ARHGAP35: variants seen among roughly 807,000 people sequenced by gnomAD.
ARHGAP35 encodes the protein Rho GTPase activating protein 35, also known as rho GTPase-activating protein 35.
In ARHGAP35, 15 loss-of-function variants were observed where a neutral mutation model predicts 111.1. The ratio of observed to expected loss-of-function variants is 0.13; its 90% CI spans 0.09 to 0.21. The LOEUF (loss-of-function observed/expected upper bound fraction) is 0.21, where lower values mean the gene tolerates loss of function less well. Among genes scored for constraint, ARHGAP35 ranks in the 10% least tolerant of loss-of-function variants. The pLI is 1.00. For missense variants in ARHGAP35, 1,262 were observed against 1,873.0 expected, an observed-to-expected ratio of 0.67 and a Z score of 6.02; for synonymous variants, 643 against 710.3, an observed-to-expected ratio of 0.91 and a Z score of 1.51.
chr19:46,881,030 C>T (rs543064273), intron 1 of ARHGAP35, among the ~76,000 whole-genome samples: 1 of 151,358 alleles, frequency 6.6e-6, no homozygotes, highest in Non-Finnish European at 1.5e-5. Flanking sequence ...CCACAATCTC[C>T]GCCTCCTGGG....
intron 1 of ARHGAP35, among the ~76,000 whole-genome samples, chr19:46,902,564 A>G (rs1359019938): frequency 1.3e-5 from 2 of 152,160 alleles, no homozygotes; most frequent in Non-Finnish European, 2.9e-5. Flanking sequence ...GAATGTGGAC[A>G]TACAGCTTTT....
At chr19:46,907,124 TTAA>T (rs1319133217) in intron 1 of ARHGAP35, among the ~76,000 whole-genome samples, 3 of 152,170 alleles carry the variant, frequency 2.0e-5, no homozygotes, top group Non-Finnish European at 2.9e-5. Context: ...ATAAAAAATA[TTAA>T]TAATAAGAAA....
At chr19:46,876,313 A>G (rs1283189870) in intron 1 of ARHGAP35, among the ~76,000 whole-genome samples, 1 of 151,464 alleles carries the variant, frequency 6.6e-6, no homozygotes, top group Non-Finnish European at 1.5e-5. Flanking sequence ...ATCTTGCTTC[A>G]GCCTCTGAGT....
chr19:46,970,149 G>A (rs2056537449), intron 3 of ARHGAP35, among the ~76,000 whole-genome samples: 1 of 152,170 alleles, frequency 6.6e-6, no homozygotes, highest in South Asian at 2.1e-4. Context: ...GTGAATTCTT[G>A]GGGCTTGATC....
rs111364346 is a variant in ARHGAP35, at chr19:46,952,752, C to T, written c.3826+15344C>T. Among the ~76,000 whole-genome samples the T allele has an allele frequency of 2.6e-5, 4 of 152,322 alleles. 1 individual carries two copies. Among genetic ancestry groups the T allele is most frequent in the African/African-American group, 7.2e-5 (3 of 41,574 alleles). The stretch of plus-strand genomic sequence containing the variant: ...GCAGTGGTGCGATCTCAGCTCGCAG[C>T]GTGCAGCCTCGACCTCCTGGGTCTC... On this transcript the variant is annotated intron_variant, in intron 3 of 6. Coordinates refer to ENST00000672722, the MANE Select transcript of ARHGAP35 (RefSeq NM_004491.5).
rs778198586 is a variant in ARHGAP35, at chr19:46,921,423, C to T, written c.2748C>T (p.Asp916=). Residue 916 remains aspartate, a synonymous_variant, in exon 2 of 7, where the codon GAC becomes GAT. Coordinates refer to ENST00000672722, the MANE Select transcript of ARHGAP35 (RefSeq NM_004491.5). This position sits in a 1 kb window ranked among gnomAD's most constrained non-coding sequence, Gnocchi z 4.3. ...GGGAGGAGATTGCTCAAGAAATTGA[C>T]GGAAGGTTCACAAGCATCCCCTGTA... ...TEGEEIAQEI[D]GRFTSIPCSQ... is the part of the protein sequence containing the mutation. 21 of 1,613,862 alleles carry T rather than the reference C, an allele frequency of 1.3e-5. No individual in the cohort carries two copies. Among genetic ancestry groups the T allele is most frequent in the East Asian group, 4.5e-5 (2 of 44,880 alleles).
chr19:46,989,415 A>T lies in ARHGAP35; in HGVS notation c.3905-129A>T, dbSNP rs115100834. 3.0e-4 allele frequency: 372 copies of T among 1,259,958 alleles called. 2 individuals carry two copies. The African/African-American group carries it at 3.9e-3, about 13-fold the overall frequency. The allele number at this position is 1,259,958 out of a possible 1,614,324, so 78.0% of individuals were successfully genotyped here. ...TAGCGCTCACAAGTCCCACCCCTCC[A>T]ATCCTTGCCAGTCCTGAGGCCGTCT... is the stretch of plus-strand genomic sequence containing the variant. On this transcript the variant is annotated intron_variant, in intron 4 of 6. Transcript: ENST00000672722. This position sits in a 1 kb window ranked among gnomAD's most constrained non-coding sequence, Gnocchi z 5.3.
Position 47,000,819 on chromosome 19 carries a change from C to T in ARHGAP35, c.*131C>T, listed in dbSNP as rs961116453. ...GCTCTCCCCATTACCTTCTCAAGACCTCAGTGGGAGCACCAGCCAATGGTA... is the reference window on the plus strand; with the variant it reads ...GCTCTCCCCATTACCTTCTCAAGACTTCAGTGGGAGCACCAGCCAATGGTA... On this transcript the variant is annotated 3_prime_UTR_variant, in exon 7 of 7. Transcript: ENST00000672722. The surrounding 1 kb of genome is among the most constrained non-coding windows in gnomAD (Gnocchi z 6.9). The T allele has an allele frequency of 7.1e-6, 11 of 1,542,246 alleles. No individual in the cohort carries two copies. Among genetic ancestry groups the T allele is most frequent in the Non-Finnish European group, 9.6e-6 (11 of 1,146,728 alleles).
intron 5 of ARHGAP35, among the ~76,000 whole-genome samples, chr19:46,997,168 AAAAG>A (rs1160523579): frequency 2.6e-5 from 4 of 152,174 alleles, no homozygotes; most frequent in Non-Finnish European, 4.4e-5. Context: ...AAAAAAGAAA[AAAAG>A]AAAGTGCCCT....
At chr19:46,980,801 G>A (rs2056616700) in intron 3 of ARHGAP35, among the ~76,000 whole-genome samples, 1 of 152,222 alleles carries the variant, frequency 6.6e-6, no homozygotes, top group African/African-American at 2.4e-5. Context: ...CAGAACTCAG[G>A]TGCTCATCCA....
Position 46,987,974 on chromosome 19 carries a change from C to T in ARHGAP35, c.3827-15C>T, listed in dbSNP as rs1332512604. ...TCCAGTTCCTGCTCCTAAGACCCTG[C>T]CTGTTTCTCCTCAGGACTGAGCACG... On this transcript the variant is annotated splice_polypyrimidine_tract_variant and intron_variant, in intron 3 of 6. Transcript: ENST00000672722. 3.1e-6 allele frequency: 5 copies of T among 1,613,290 alleles called. No homozygotes were observed. The highest frequency in any genetic ancestry group is 4.2e-6 in the Non-Finnish European group (5 of 1,179,546).
chr19:46,975,309 AG>A (rs2056573848), intron 3 of ARHGAP35, among the ~76,000 whole-genome samples: 1 of 152,190 alleles, frequency 6.6e-6, no homozygotes, highest in South Asian at 2.1e-4. Flanking sequence ...CCCCTCCTGC[AG>A]GGGTCCTAAA....
intron 1 of ARHGAP35, among the ~76,000 whole-genome samples, chr19:46,907,534 A>G (rs1281559553): frequency 2.0e-5 from 3 of 150,818 alleles, no homozygotes; most frequent in Non-Finnish European, 4.4e-5. Flanking sequence ...TCTGTCCAGC[A>G]GTGGCGCGAA....
At chr19:46,977,537 T>G (rs1387863119) in intron 3 of ARHGAP35, among the ~76,000 whole-genome samples, 1 of 152,180 alleles carries the variant, frequency 6.6e-6, no homozygotes. Context: ...ACTGAATGCC[T>G]TCCCTGGTAC....
chr19:46,925,635 G>A (rs2056233626), intron 2 of ARHGAP35, among the ~76,000 whole-genome samples: 1 of 152,172 alleles, frequency 6.6e-6, no homozygotes, highest in Admixed American at 6.5e-5. Context: ...GCCTGCCCAG[G>A]GAAGGCTATG....
intron 3 of ARHGAP35, among the ~76,000 whole-genome samples, chr19:46,976,355 C>T (rs1164023790): frequency 6.6e-6 from 1 of 152,000 alleles, no homozygotes; most frequent in Non-Finnish European, 1.5e-5. Flanking sequence ...CTTGCCTGTT[C>T]CAGATAAGCA....
chr19:46,986,809 C>T lies in ARHGAP35; in HGVS notation c.3827-1180C>T, dbSNP rs2056652720. Among the ~76,000 whole-genome samples the T allele has an allele frequency of 2.0e-5, 3 of 152,266 alleles. No homozygotes were observed. The highest frequency in any genetic ancestry group is 3.9e-4 in the East Asian group (2 of 5,194). ...TTTTACTAGTTGTCAAAAAAACATA[C>T]TTGTGAGTTAATTTTATTTATTTAT... On this transcript the variant is annotated intron_variant, in intron 3 of 6. Transcript: ENST00000672722. The surrounding 1 kb of genome is among the most constrained non-coding windows in gnomAD (Gnocchi z 4.3).
In ARHGAP35 at chr19:47,002,518, T is replaced by G. The variant is rs2056753703; in HGVS notation, c.*1830T>G. 1 of 152,282 alleles carries G rather than the reference T, an allele frequency of 6.6e-6. No homozygotes were observed. The highest frequency in any genetic ancestry group is 1.5e-5 in the Non-Finnish European group (1 of 68,058). 9.4% of individuals were successfully genotyped at this position (152,282 alleles called of 1,614,324 possible). ...ATTTTTGTCTCTTCTGGTGGAGCTGTGCCTGGCCCTGTAGGCCCAGGGTTG... is the reference window on the plus strand; with the variant it reads ...ATTTTTGTCTCTTCTGGTGGAGCTGGGCCTGGCCCTGTAGGCCCAGGGTTG... On this transcript the variant is annotated 3_prime_UTR_variant, in exon 7 of 7. Transcript: ENST00000672722.
chr19:46,924,393 C>T (rs1056554275), intron 2 of ARHGAP35, among the ~76,000 whole-genome samples: 6 of 152,182 alleles, frequency 3.9e-5, no homozygotes, highest in Non-Finnish European at 5.9e-5. Flanking sequence ...CCTGCATTAC[C>T]GCTGACCAGG....
Sources: allele counts gnomAD v4.1 joint callset (sites outside exome capture counted in the v4.1 genomes callset), GRCh38; gene constraint gnomAD v4.1.1; non-coding constraint Gnocchi (gnomAD v3.1); transcripts MANE v1.5; gene names NCBI Gene and HGNC (gene_info 2026-07-23, HGNC 2026-07-21).